Variants in COL21A1 observed in about 807,000 individuals in gnomAD.
The protein encoded by COL21A1 is collagen type XXI alpha 1 chain, also known as collagen alpha-1(XXI) chain.
Under a neutral mutation model 137.9 loss-of-function variants are expected in COL21A1, and 149 were observed. The ratio of observed to expected loss-of-function variants is 1.08; its 90% CI spans 0.95 to 1.24. COL21A1 has a LOEUF of 1.24. Ranked by LOEUF, COL21A1 falls within the 50% of genes most tolerant of loss-of-function variation. The pLI, the probability that COL21A1 is intolerant of heterozygous loss-of-function variation, is 0.00. For synonymous variants in COL21A1, 456 were observed against 391.5 expected, an observed-to-expected ratio of 1.16 and a Z score of -1.95; for missense variants, 1,167 against 1,158.4, an observed-to-expected ratio of 1.01 and a Z score of -0.11.
intron 1 of COL21A1, among the ~76,000 whole-genome samples, chr6:56,268,437 A>T (rs1293781927): frequency 6.6e-6 from 1 of 152,206 alleles, no homozygotes; most frequent in South Asian, 2.1e-4. Context: ...GAAATACAAA[A>T]GAGCCATGTG....
intron 16 of COL21A1, among the ~76,000 whole-genome samples, chr6:56,122,334 A>C (rs1471128468): frequency 6.7e-6 from 1 of 149,846 alleles, no homozygotes; most frequent in African/African-American, 2.5e-5. Flanking sequence ...TTTCTTTGAG[A>C]TGGAGTCTGG....
At chr6:56,307,918 G>C (rs1240057467) in intron 1 of COL21A1, among the ~76,000 whole-genome samples, 1 of 152,152 alleles carries the variant, frequency 6.6e-6, no homozygotes, top group African/African-American at 2.4e-5. Flanking sequence ...CAATAGCCAA[G>C]ATGTGCAAAC....
At position 56,061,823 on chromosome 6, in the gene COL21A1, C is replaced by T. The variant is rs764371422; in HGVS notation, c.2173-142G>A. ...TAGCATTAGTGACAGAATTACAGAC[C>T]CTTTTTGCCTTTTAGAGAAGGCTAA... On this transcript the variant is annotated intron_variant, in intron 24 of 29. Coordinates refer to ENST00000244728, the MANE Select transcript of COL21A1 (RefSeq NM_030820.4). 2.6e-4 allele frequency: 137 copies of T among 519,680 alleles called. No homozygotes were observed. In the Middle Eastern group the frequency reaches 3.3e-3, roughly 13 times the overall value. The allele number at this position is 519,680 out of a possible 1,614,324, so 32.2% of individuals were successfully genotyped here.
intron 1 of COL21A1, among the ~76,000 whole-genome samples, chr6:56,242,448 A>C (rs575102374): frequency 2.1e-3 from 326 of 152,266 alleles, no homozygotes; most frequent in African/African-American, 7.4e-3. Context: ...TCTTCTCGAC[A>C]CCAATGAGTA....
intron 1 of COL21A1, among the ~76,000 whole-genome samples, chr6:56,375,563 C>T (rs2093997502): frequency 6.6e-6 from 1 of 152,178 alleles, no homozygotes; most frequent in Non-Finnish European, 1.5e-5. Context: ...GCACTCTCTG[C>T]TGTTCTAGTC....
chr6:56,123,210 T>C (rs887302391), intron 16 of COL21A1, among the ~76,000 whole-genome samples: 1 of 152,120 alleles, frequency 6.6e-6, no homozygotes, highest in African/African-American at 2.4e-5. Flanking sequence ...AGTGAGAAAA[T>C]ATGAAACCAC....
chr6:56,165,339 G>A (rs1776492314), intron 7 of COL21A1, among the ~76,000 whole-genome samples: 1 of 152,104 alleles, frequency 6.6e-6, no homozygotes. Flanking sequence ...TAAGAAGGTT[G>A]GATTGAAGGT....
rs376956703 is a variant in COL21A1, at chr6:56,343,016, C to G, written c.-39+50955G>C. 1.1e-3 allele frequency among the ~76,000 whole-genome samples: 167 copies of G among 152,274 alleles called. 1 individual carries two copies. Among genetic ancestry groups the G allele is most frequent in the African/African-American group, 3.9e-3 (164 of 41,570 alleles). ...TCAATTCAAATAAAATTTCAAGCTA[C>G]AAATCATCTTTATGTGAGCAGAATC... is the stretch of plus-strand genomic sequence containing the variant. On this transcript the variant is annotated intron_variant, in intron 1 of 28. Transcript: ENST00000370819.
At position 56,108,853 on chromosome 6, in the gene COL21A1, T is replaced by C. The variant is rs181306418; in HGVS notation, c.1759-7328A>G. Among the ~76,000 whole-genome samples the C allele has an allele frequency of 3.4e-3, 523 of 151,902 alleles. 6 individuals carry two copies. The highest frequency in any genetic ancestry group is 0.012 in the African/African-American group (497 of 41,542). ...ACAATAAGTCAAAGAAAAAATTCAC[T>C]AAAACTTATAAAGAAGAAATTATAC... is the stretch of plus-strand genomic sequence containing the variant. On this transcript the variant is annotated intron_variant, in intron 16 of 29. Transcript: ENST00000244728.
chr6:56,251,454 C>A (rs1782851203), upstream of COL21A1, among the ~76,000 whole-genome samples: 1 of 152,116 alleles, frequency 6.6e-6, no homozygotes, highest in Non-Finnish European at 1.5e-5. Context: ...GGGAGAAAAA[C>A]ATCAATGTAT....
intron 1 of COL21A1, among the ~76,000 whole-genome samples, chr6:56,323,966 T>G (rs1292790477): frequency 6.6e-6 from 1 of 152,126 alleles, no homozygotes; most frequent in Non-Finnish European, 1.5e-5. Context: ...GTCAGTGTGT[T>G]CTGGTATTTT....
chr6:56,148,365 AGAG>A (rs1561917564), intron 10 of COL21A1, among the ~76,000 whole-genome samples: 5 of 151,692 alleles, frequency 3.3e-5, no homozygotes, highest in African/African-American at 1.2e-4. Flanking sequence ...AGAGAGAGAG[AGAG>A]AAACACATAA....
chr6:56,280,241 C>T (rs1763759517), intron 1 of COL21A1, among the ~76,000 whole-genome samples: 1 of 152,132 alleles, frequency 6.6e-6, no homozygotes, highest in Non-Finnish European at 1.5e-5. Context: ...AATATTCTTG[C>T]TAATATCATT....
chr6:56,181,435 C>T (rs1777884356), intron 2 of COL21A1, among the ~76,000 whole-genome samples: 2 of 151,660 alleles, frequency 1.3e-5, no homozygotes, highest in South Asian at 2.1e-4. Context: ...GATAGAAAAG[C>T]TTGTTGGCAG....
chr6:56,304,161 G>A (rs1331094795), intron 1 of COL21A1, among the ~76,000 whole-genome samples: 2 of 152,058 alleles, frequency 1.3e-5, no homozygotes, highest in East Asian at 1.9e-4. Flanking sequence ...TTTTTGCATC[G>A]ATGTTCATCA....
chr6:56,303,522 A>G (rs1415631205), intron 1 of COL21A1, among the ~76,000 whole-genome samples: 2 of 151,608 alleles, frequency 1.3e-5, no homozygotes, highest in African/African-American at 2.4e-5. Flanking sequence ...TCATGATTTG[A>G]CTCTCTGTTT....
Position 56,308,779 on chromosome 6 carries a change from C to T in COL21A1, c.-39+85192G>A, listed in dbSNP as rs531802635. ...TTTAAAGCTCAATTTCTCAGTTGTA[C>T]TAGCTACATATCAAGTGCTCAGTAG... On this transcript the variant is annotated intron_variant, in intron 1 of 28. Coordinates refer to the COL21A1 transcript ENST00000370819. Among the ~76,000 whole-genome samples, 9 of 152,244 alleles carry T rather than the reference C, an allele frequency of 5.9e-5. No individual in the cohort carries two copies. In the East Asian group the frequency reaches 1.7e-3, roughly 29 times the overall value.
At chr6:56,372,023 C>G (rs1257340077) in intron 1 of COL21A1, among the ~76,000 whole-genome samples, 1 of 151,994 alleles carries the variant, frequency 6.6e-6, no homozygotes, top group Non-Finnish European at 1.5e-5. Context: ...GTATTGTGCC[C>G]CAGAAAATGA....
chr6:56,381,110 T>C (rs2152351929), intron 1 of COL21A1, among the ~76,000 whole-genome samples: 1 of 152,348 alleles, frequency 6.6e-6, no homozygotes, highest in South Asian at 2.1e-4. Context: ...TTATGTTCTA[T>C]AAATGATGCC....
Sources: gnomAD v4.1 joint callset for allele counts (sites outside exome capture counted in the v4.1 genomes callset) on GRCh38, gnomAD v4.1.1 for gene constraint, MANE v1.5 for transcripts, NCBI Gene and HGNC (gene_info 2026-07-23, HGNC 2026-07-21) for gene names.